The following GRIN2A variants were observed in gnomAD, a reference collection of about 807,000 sequenced individuals.
GRIN2A encodes the protein glutamate receptor ionotropic, NMDA 2A.
GRIN2A carries 22 observed loss-of-function variants against 113.4 expected under a neutral mutation model. The observed-to-expected ratio is 0.19, with a 90% CI of 0.14 to 0.28. The LOEUF is 0.28. Among genes scored for constraint, GRIN2A ranks in the 10% least tolerant of loss-of-function variants. GRIN2A has a pLI of 1.00. For missense variants in GRIN2A, 1,502 were observed against 1,887.0 expected (o/e 0.80, Z 3.78); for synonymous variants, 827 against 738.4 (o/e 1.12, Z -1.94).
At chr16:9,777,163 T>C (rs1231889714) in intron 11 of GRIN2A, among the ~76,000 whole-genome samples, 2 of 152,130 alleles carry the variant, frequency 1.3e-5, no homozygotes, top group Non-Finnish European at 2.9e-5. Context: ...AGTGAGAAAC[T>C]CATTCCTTTC....
chr16:10,134,399 G>T (rs1039673149), intron 2 of GRIN2A, among the ~76,000 whole-genome samples: 13 of 146,390 alleles, frequency 8.9e-5, no homozygotes, highest in African/African-American at 3.0e-4. Flanking sequence ...AGAATTTGGG[G>T]AGTATATCAT....
At chr16:9,867,506 A>G (rs1054856821) in intron 4 of GRIN2A, among the ~76,000 whole-genome samples, 1 of 152,142 alleles carries the variant, frequency 6.6e-6, no homozygotes, top group Non-Finnish European at 1.5e-5. Flanking sequence ...TCTCTCCTCT[A>G]GCCTAACACG....
chr16:9,799,563 G>A (rs545941045), intron 10 of GRIN2A, among the ~76,000 whole-genome samples: 18 of 152,354 alleles, frequency 1.2e-4, no homozygotes, highest in Admixed American at 5.2e-4. Flanking sequence ...CAGCCATAGA[G>A]AATGTGTAAA....
rs561311782 is a variant in GRIN2A at position 9,971,900 on chromosome 16, T to C, written c.415-33349A>G. ...CATTGAAACATGGAAGAAGGGCTCA[T>C]CATAGAGTTCTACATTTTTGCCACC... On this transcript the variant is annotated intron_variant, in intron 2 of 12. Coordinates refer to ENST00000330684, the MANE Select transcript of GRIN2A (RefSeq NM_001134407.3). 2.6e-5 allele frequency among the ~76,000 whole-genome samples: 4 copies of C among 152,266 alleles called. No homozygotes were observed. The South Asian group carries it at 8.3e-4, about 32-fold the overall frequency.
intron 2 of GRIN2A, among the ~76,000 whole-genome samples, chr16:10,001,383 G>C (rs921121865): frequency 6.6e-6 from 1 of 152,180 alleles, no homozygotes; most frequent in African/African-American, 2.4e-5. Context: ...TTAAACAATA[G>C]AGATACATAA....
chr16:10,035,275 C>T (rs2047003604), intron 2 of GRIN2A, among the ~76,000 whole-genome samples: 1 of 152,126 alleles, frequency 6.6e-6, no homozygotes, highest in South Asian at 2.1e-4. Flanking sequence ...ATCCTCCTGC[C>T]TTGGCCTCTC....
chr16:10,000,159 A>G (rs951001870), intron 2 of GRIN2A, among the ~76,000 whole-genome samples: 1 of 152,144 alleles, frequency 6.6e-6, no homozygotes, highest in Non-Finnish European at 1.5e-5. Context: ...ATAGTCCAGG[A>G]TAATCTCCCC....
At chr16:9,867,585 C>A (rs1004623957) in intron 4 of GRIN2A, among the ~76,000 whole-genome samples, 1 of 152,212 alleles carries the variant, frequency 6.6e-6, no homozygotes, top group African/African-American at 2.4e-5. Flanking sequence ...TGACCTAAGA[C>A]CTCCAGTGGT....
intron 4 of GRIN2A, among the ~76,000 whole-genome samples, chr16:9,858,356 G>C (rs1054173063): frequency 2.0e-5 from 3 of 152,218 alleles, no homozygotes; most frequent in African/African-American, 7.2e-5. Context: ...CTATACGGAA[G>C]AGGAAGTTAG....
intron 2 of GRIN2A, among the ~76,000 whole-genome samples, chr16:9,963,161 C>G (rs1308885378): frequency 6.7e-6 from 1 of 150,238 alleles, no homozygotes; most frequent in Non-Finnish European, 1.5e-5. Context: ...GGAGATATAC[C>G]TAATGCTAAA....
chr16:9,972,381 C>T (rs2045690087), intron 2 of GRIN2A, among the ~76,000 whole-genome samples: 1 of 151,772 alleles, frequency 6.6e-6, no homozygotes, highest in Admixed American at 6.6e-5. Context: ...CATTCTCAAG[C>T]AAAAAAGACT....
At chr16:10,157,707 C>T (rs554390605) in intron 2 of GRIN2A, among the ~76,000 whole-genome samples, 1 of 152,164 alleles carries the variant, frequency 6.6e-6, no homozygotes, top group African/African-American at 2.4e-5. Context: ...AAACAGCCCC[C>T]ACGATCAATC....
chr16:10,078,436 C>T (rs1029045267), intron 2 of GRIN2A, among the ~76,000 whole-genome samples: 8 of 151,808 alleles, frequency 5.3e-5, no homozygotes, highest in African/African-American at 1.7e-4. Flanking sequence ...CTCTTTCCAG[C>T]ATGTCCTTGT....
intron 2 of GRIN2A, among the ~76,000 whole-genome samples, chr16:10,084,672 A>G (rs1005363205): frequency 6.6e-6 from 1 of 152,152 alleles, no homozygotes; most frequent in Non-Finnish European, 1.5e-5. Context: ...TCTTTGCTCA[A>G]TTAGGAATTA....
chr16:9,881,639 G>A (rs2043482779), intron 4 of GRIN2A, among the ~76,000 whole-genome samples: 3 of 152,162 alleles, frequency 2.0e-5, no homozygotes, highest in Non-Finnish European at 4.4e-5. Context: ...GGGGAAAAGA[G>A]TCTTTCCATT....
At chr16:10,008,524 A>G (rs1596411278) in intron 2 of GRIN2A, among the ~76,000 whole-genome samples, 1 of 152,210 alleles carries the variant, frequency 6.6e-6, no homozygotes, top group African/African-American at 2.4e-5. Flanking sequence ...ACCCATGAGC[A>G]CTGTGATTCT....
intron 3 of GRIN2A, among the ~76,000 whole-genome samples, chr16:9,893,781 T>G (rs2043749578): frequency 6.6e-6 from 1 of 152,196 alleles, no homozygotes; most frequent in African/African-American, 2.4e-5. Flanking sequence ...GATATTTTCT[T>G]GATTTAACAA....
At chr16:9,908,727 T>G (rs1191220759) in intron 3 of GRIN2A, among the ~76,000 whole-genome samples, 1 of 152,190 alleles carries the variant, frequency 6.6e-6, no homozygotes, top group Admixed American at 6.5e-5. Flanking sequence ...TGGCCAGGGC[T>G]GTGTGGGAGG....
intron 2 of GRIN2A, among the ~76,000 whole-genome samples, chr16:10,096,392 A>G (rs1336977982): frequency 6.6e-6 from 1 of 152,084 alleles, no homozygotes; most frequent in Non-Finnish European, 1.5e-5. Flanking sequence ...ACTGAATCTG[A>G]CACTTCGGTG....
Sources: allele counts gnomAD v4.1 joint callset (sites outside exome capture counted in the v4.1 genomes callset), GRCh38; gene constraint gnomAD v4.1.1; transcripts MANE v1.5; gene names NCBI Gene and HGNC (gene_info 2026-07-23, HGNC 2026-07-21).